Variants in DPYSL2 observed in about 807,000 individuals in gnomAD.
DPYSL2 encodes the protein dihydropyrimidinase like 2.
Under a neutral mutation model 69.9 loss-of-function variants are expected in DPYSL2, and 13 were observed. The ratio of observed to expected loss-of-function variants is 0.19; its 90% confidence interval spans 0.12 to 0.30. The LOEUF is 0.30. Ranked by LOEUF, DPYSL2 falls within the 10% of genes least tolerant of loss-of-function variation. The pLI is 1.00. For synonymous variants in DPYSL2, 326 were observed against 359.1 expected (o/e 0.91, Z 1.04); for missense variants, 587 against 918.9 (o/e 0.64, Z 4.67).
Position 26,597,675 on chromosome 8 carries a change from T to A in DPYSL2, c.628+13692T>A, listed in dbSNP as rs1274350311. ...ATTTTTAGTAGAGATGGGGTTTCAC[T>A]GTTTTAGCCAGGATGGTCTCGATCT... On this transcript the variant is annotated intron_variant, in intron 3 of 13. Transcript: ENST00000521913. This position sits in a 1 kb window ranked among gnomAD's most constrained non-coding sequence, Gnocchi z 5.2. Among the ~76,000 whole-genome samples the A allele has an allele frequency of 6.6e-6, 1 of 151,908 alleles. No homozygotes were observed.
chr8:26,601,350 C>T (rs1294338910), intron 3 of DPYSL2, among the ~76,000 whole-genome samples: 2 of 151,958 alleles, frequency 1.3e-5, no homozygotes, highest in Non-Finnish European at 1.5e-5. Flanking sequence ...GGGTATGTTC[C>T]TGGGCCCTCT....
intron 3 of DPYSL2, chr8:26,623,767 G>A (rs1563414361): frequency 5.4e-6 from 1 of 186,058 alleles, no homozygotes; most frequent in Admixed American, 5.7e-5. Flanking sequence ...CTGGCGGGGG[G>A]CGTCTCATAA....
chr8:26,535,641 T>A (rs1394151266), intron 1 of DPYSL2, among the ~76,000 whole-genome samples: 3 of 147,394 alleles, frequency 2.0e-5, no homozygotes, highest in Non-Finnish European at 4.6e-5. Context: ...ATATATTTTT[T>A]TTTTCAGTGT....
At chr8:26,639,772 C>A (rs2098044330) in intron 8 of DPYSL2, among the ~76,000 whole-genome samples, 1 of 152,136 alleles carries the variant, frequency 6.6e-6, no homozygotes, top group Admixed American at 6.6e-5. Context: ...ATAATATTTT[C>A]TGTGTCTCTA....
chr8:26,554,536 C>T (rs750116878), intron 1 of DPYSL2, among the ~76,000 whole-genome samples: 2 of 152,066 alleles, frequency 1.3e-5, no homozygotes, highest in Non-Finnish European at 2.9e-5. Flanking sequence ...TCCCATATGT[C>T]AATTTTTGCT....
chr8:26,627,374 T>C lies in DPYSL2; in HGVS notation c.936+79T>C. The C allele has an allele frequency of 4.2e-6, 6 of 1,425,152 alleles. No homozygotes were observed. Among genetic ancestry groups the C allele is most frequent in the Non-Finnish European group, 5.9e-6 (6 of 1,012,250 alleles). 88.3% of individuals were successfully genotyped at this position (1,425,152 alleles called of 1,614,324 possible). ...GCTCAAGAAAGGGAAGCTGCATCTGTAGCTTAACACCAAGGTGGAAAAGCA... is the reference window on the plus strand; with the variant it reads ...GCTCAAGAAAGGGAAGCTGCATCTGCAGCTTAACACCAAGGTGGAAAAGCA... On this transcript the variant is annotated intron_variant, in intron 6 of 13. Coordinates refer to ENST00000521913, the MANE Select transcript of DPYSL2 (RefSeq NM_001197293.3). This position sits in a 1 kb window ranked among gnomAD's most constrained non-coding sequence, Gnocchi z 6.9.
chr8:26,615,225 A>G (rs919852461), intron 3 of DPYSL2, among the ~76,000 whole-genome samples: 1 of 152,214 alleles, frequency 6.6e-6, no homozygotes, highest in African/African-American at 2.4e-5. Context: ...ATTAAATGAG[A>G]GAATCCATGG....
At chr8:26,578,595 C>T in intron 1 of DPYSL2, 1 of 1,269,166 alleles carries the variant, frequency 7.9e-7, no homozygotes, top group Non-Finnish European at 9.9e-7. Flanking sequence ...CGTCGGCCCG[C>T]GGGGTGCAAG....
At chr8:26,535,860 C>T (rs1049631692) in intron 1 of DPYSL2, among the ~76,000 whole-genome samples, 6 of 151,006 alleles carry the variant, frequency 4.0e-5, no homozygotes, top group Admixed American at 2.0e-4. Flanking sequence ...CAAATTAATA[C>T]GACTTTCTTC....
rs562906773 is a variant in DPYSL2 at position 26,564,446 on chromosome 8, C to T, written c.355-17523C>T. Among the ~76,000 whole-genome samples the T allele has an allele frequency of 6.6e-6, 1 of 152,100 alleles. No individual in the cohort carries two copies. Among genetic ancestry groups the T allele is most frequent in the South Asian group, 2.1e-4 (1 of 4,816 alleles). ...AAGACTTTGAGATTTGGGAGCAGGC[C>T]GGGGTGGGAAACAGCATGGATTTGG... On this transcript the variant is annotated intron_variant, in intron 1 of 13. Coordinates refer to ENST00000521913, the MANE Select transcript of DPYSL2 (RefSeq NM_001197293.3). The surrounding 1 kb of genome is among the most constrained non-coding windows in gnomAD (Gnocchi z 4.8).
chr8:26,540,380 TG>T (rs1246050510), intron 1 of DPYSL2, among the ~76,000 whole-genome samples: 1 of 151,910 alleles, frequency 6.6e-6, no homozygotes, highest in Non-Finnish European at 1.5e-5. Context: ...CACCATTAAG[TG>T]AACCAATGCA....
In DPYSL2 at chr8:26,652,529, A is replaced by G; in HGVS notation, c.1776+93A>G. ...TTAAGCACCTTGAGACAGAATATTA[A>G]GATGAATTTAGTGGATTCCAGGGAT... is the stretch of plus-strand genomic sequence containing the variant. On this transcript the variant is annotated intron_variant, in intron 12 of 13. Coordinates refer to ENST00000521913, the MANE Select transcript of DPYSL2 (RefSeq NM_001197293.3). This position sits in a 1 kb window ranked among gnomAD's most constrained non-coding sequence, Gnocchi z 6.3. 1.5e-6 allele frequency: 2 copies of G among 1,355,864 alleles called. No individual in the cohort carries two copies. Among genetic ancestry groups the G allele is most frequent in the South Asian group, 1.4e-5 (1 of 69,384 alleles). 84.0% of individuals were successfully genotyped at this position (1,355,864 alleles called of 1,614,324 possible).
chr8:26,652,519 C>T lies in DPYSL2; in HGVS notation c.1776+83C>T, dbSNP rs1803299512. ...CAAACATTTATTAAGCACCTTGAGA[C>T]AGAATATTAAGATGAATTTAGTGGA... On this transcript the variant is annotated intron_variant, in intron 12 of 13. Coordinates refer to ENST00000521913, the MANE Select transcript of DPYSL2 (RefSeq NM_001197293.3). This position sits in a 1 kb window ranked among gnomAD's most constrained non-coding sequence, Gnocchi z 6.3. The T allele has an allele frequency of 2.1e-6, 3 of 1,405,596 alleles. No individual in the cohort carries two copies. Among genetic ancestry groups the T allele is most frequent in the Admixed American group, 4.4e-5 (2 of 45,896 alleles). 87.1% of individuals were successfully genotyped at this position (1,405,596 alleles called of 1,614,324 possible). A position where few individuals can be genotyped will look rare whatever the true frequency, so the allele number is the denominator to read the frequency against.
intron 3 of DPYSL2, among the ~76,000 whole-genome samples, chr8:26,596,139 G>A (rs17055489): frequency 0.015 from 2,329 of 152,276 alleles, 28 homozygotes; most frequent in Middle Eastern, 0.068. Context: ...AGCCCAGTGA[G>A]GGAGGACCTA....
rs1045207194 is a variant in DPYSL2 at position 26,587,555 on chromosome 8, G to A, written c.628+3572G>A. Among the ~76,000 whole-genome samples, 2 of 152,148 alleles carry A rather than the reference G, an allele frequency of 1.3e-5. No homozygotes were observed. Among genetic ancestry groups the A allele is most frequent in the African/African-American group, 4.8e-5 (2 of 41,426 alleles). ...AGGAAAACACAGCCAAATATTCTCG[G>A]TTTAAAAAAGGAGATGGCATGTCAG... On this transcript the variant is annotated intron_variant, in intron 3 of 13. Transcript: ENST00000521913. This position sits in a 1 kb window ranked among gnomAD's most constrained non-coding sequence, Gnocchi z 4.2.
chr8:26,577,702 C>G (rs1430759810), intron 1 of DPYSL2: 4 of 693,222 alleles, frequency 5.8e-6, no homozygotes, highest in South Asian at 6.4e-5. Flanking sequence ...CGCCCCGGCC[C>G]GAAGAAAGCG....
rs144407873 is a variant in DPYSL2 at position 26,605,226 on chromosome 8, A to G, written c.629-18917A>G. ...GAATACATGTTATCACTACTGTTTA[A>G]CATGGTTCCGGATATGTTAGCCAGT... On this transcript the variant is annotated intron_variant, in intron 3 of 13. Coordinates refer to ENST00000521913, the MANE Select transcript of DPYSL2 (RefSeq NM_001197293.3). This position sits in a 1 kb window ranked among gnomAD's most constrained non-coding sequence, Gnocchi z 4.1. Among the ~76,000 whole-genome samples, 262 of 152,176 alleles carry G rather than the reference A, an allele frequency of 1.7e-3. 1 individual carries two copies. The highest frequency in any genetic ancestry group is 5.6e-3 in the African/African-American group (233 of 41,498).
At position 26,564,450 on chromosome 8, in the gene DPYSL2, G is replaced by A. The variant is rs934801576; in HGVS notation, c.355-17519G>A. 6.6e-6 allele frequency among the ~76,000 whole-genome samples: 1 copy of A among 152,178 alleles called. No homozygotes were observed. The highest frequency in any genetic ancestry group is 2.4e-5 in the African/African-American group (1 of 41,452). Reference sequence around the variant, plus strand: ...CTTTGAGATTTGGGAGCAGGCCGGGGTGGGAAACAGCATGGATTTGGGAAT... The same window carrying A: ...CTTTGAGATTTGGGAGCAGGCCGGGATGGGAAACAGCATGGATTTGGGAAT... On this transcript the variant is annotated intron_variant, in intron 1 of 13. Transcript: ENST00000521913. This position sits in a 1 kb window ranked among gnomAD's most constrained non-coding sequence, Gnocchi z 4.8.
chr8:26,525,990 G>C (rs1159022541), intron 1 of DPYSL2, among the ~76,000 whole-genome samples: 1 of 152,074 alleles, frequency 6.6e-6, no homozygotes, highest in Non-Finnish European at 1.5e-5. Flanking sequence ...TTTTATTTCT[G>C]TGACATTTCT....
Sources: gnomAD v4.1 joint callset for allele counts (sites outside exome capture counted in the v4.1 genomes callset) on GRCh38, gnomAD v4.1.1 for gene constraint, Gnocchi (gnomAD v3.1) non-coding constraint, MANE v1.5 for transcripts, NCBI Gene and HGNC (gene_info 2026-07-23, HGNC 2026-07-21) for gene names.